Variants in XKR9 observed in about 807,000 individuals in gnomAD.
XKR9 encodes the protein XK-related protein 9.
Under a neutral mutation model 32.0 loss-of-function variants are expected in XKR9, and 32 were observed. The ratio of observed to expected loss-of-function variants is 1.00; its 90% CI spans 0.76 to 1.34. The LOEUF (loss-of-function observed/expected upper bound fraction) is 1.34. Among genes scored for constraint, XKR9 ranks in the 40% most tolerant of loss-of-function variants. XKR9 has a pLI of 0.00. For synonymous variants in XKR9, 168 were observed against 143.4 expected (o/e 1.17, Z -1.22); for missense variants, 546 against 429.7 (o/e 1.27, Z -2.39).
At chr8:70,952,529 G>A in the XKR9 span, among the ~76,000 whole-genome samples, 5 of 152,118 alleles carry the variant, frequency 3.3e-5, no homozygotes, top group Non-Finnish European at 5.9e-5. Flanking sequence ...CTTGTGCAAG[G>A]TTTTCTTTAC....
the XKR9 span, among the ~76,000 whole-genome samples, chr8:71,042,775 A>C: frequency 3.6e-3 from 552 of 152,364 alleles, 2 homozygotes; most frequent in Non-Finnish European, 6.6e-3. Flanking sequence ...TCAGGGATCA[A>C]GTCCAAAGTC....
At chr8:70,942,790 T>A in the XKR9 span, among the ~76,000 whole-genome samples, 1 of 152,150 alleles carries the variant, frequency 6.6e-6, no homozygotes, top group East Asian at 1.9e-4. Context: ...CAGAGCATAC[T>A]GCCCGGCACA....
At chr8:71,041,463 G>A in the XKR9 span, among the ~76,000 whole-genome samples, 1 of 152,170 alleles carries the variant, frequency 6.6e-6, no homozygotes, top group Non-Finnish European at 1.5e-5. Context: ...AATATCATAA[G>A]CATATTCAAA....
At chr8:70,671,813 G>A (rs1265793529) in intron 1 of XKR9, among the ~76,000 whole-genome samples, 1 of 112,982 alleles carries the variant, frequency 8.9e-6, no homozygotes, top group African/African-American at 2.9e-5. Flanking sequence ...TGTTTATCTA[G>A]AAAACCCCAT....
rs373034048 is a variant in XKR9 at position 70,734,432 on chromosome 8, A to G, written c.*8A>G. 3 of 1,518,232 alleles carry G rather than the reference A, an allele frequency of 2.0e-6. No individual in the cohort carries two copies. The highest frequency in any genetic ancestry group is 2.8e-5 in the African/African-American group (2 of 71,650). The allele number at this position is 1,518,232 out of a possible 1,614,324, so 94.0% of individuals were successfully genotyped here. A position where few individuals can be genotyped will look rare whatever the true frequency, so the allele number is the denominator to read the frequency against. ...TATTTCCTAATGGAATAAGCTATTC[A>G]TTTATGATATATATTTTCTTATATT... On this transcript the variant is annotated 3_prime_UTR_variant, in exon 5 of 5. Transcript: ENST00000408926.
chr8:70,855,065 A>C, the XKR9 span, among the ~76,000 whole-genome samples: 1 of 152,144 alleles, frequency 6.6e-6, no homozygotes, highest in Non-Finnish European at 1.5e-5. Flanking sequence ...GAAGAAAGTC[A>C]TTGGTAGCTT....
At chr8:70,757,812 C>T (rs183603642) in intron 2 of XKR9, among the ~76,000 whole-genome samples, 2,484 of 152,244 alleles carry the variant, frequency 0.016, 27 homozygotes, top group Non-Finnish European at 0.028. Flanking sequence ...GTCTCGAACT[C>T]CTTACCTCAG....
chr8:70,825,411 A>G, the XKR9 span, among the ~76,000 whole-genome samples: 2 of 152,122 alleles, frequency 1.3e-5, no homozygotes, highest in African/African-American at 2.4e-5. Flanking sequence ...TAGATATTAT[A>G]CAATATTTTG....
At chr8:70,980,429 T>C in the XKR9 span, among the ~76,000 whole-genome samples, 1 of 152,250 alleles carries the variant, frequency 6.6e-6, no homozygotes, top group Non-Finnish European at 1.5e-5. Flanking sequence ...AAAGTTTGTT[T>C]TGTCTGATAT....
chr8:70,679,020 C>T (rs1818976483), intron 2 of XKR9, among the ~76,000 whole-genome samples: 1 of 152,144 alleles, frequency 6.6e-6, no homozygotes, highest in Non-Finnish European at 1.5e-5. Context: ...CACTGGAAGT[C>T]CAAGATCATT....
At chr8:70,818,735 G>A in the XKR9 span, among the ~76,000 whole-genome samples, 158 of 152,210 alleles carry the variant, frequency 1.0e-3, 1 homozygote, top group Middle Eastern at 6.8e-3. Flanking sequence ...TATAACTAGG[G>A]GTTGAGTAGT....
At chr8:70,800,355 A>G in the XKR9 span, among the ~76,000 whole-genome samples, 2 of 152,080 alleles carry the variant, frequency 1.3e-5, no homozygotes, top group Admixed American at 6.5e-5. Flanking sequence ...CAGGTTTGGT[A>G]TCAGGATGAT....
intron 4 of XKR9, among the ~76,000 whole-genome samples, chr8:70,720,156 T>A (rs1209919261): frequency 6.6e-6 from 1 of 152,214 alleles, no homozygotes; most frequent in Non-Finnish European, 1.5e-5. Flanking sequence ...TTTTGTATCC[T>A]GAGACTTTGC....
the XKR9 span, among the ~76,000 whole-genome samples, chr8:70,800,326 T>G: frequency 6.6e-6 from 1 of 152,180 alleles, no homozygotes; most frequent in African/African-American, 2.4e-5. Flanking sequence ...AGTTTTCTTT[T>G]TTTTTGTTTT....
chr8:71,007,985 C>T, the XKR9 span, among the ~76,000 whole-genome samples: 3 of 151,122 alleles, frequency 2.0e-5, no homozygotes, highest in Admixed American at 6.6e-5. Flanking sequence ...GTAAGAAAGA[C>T]AAATAAAGCA....
the XKR9 span, among the ~76,000 whole-genome samples, chr8:70,914,956 T>C: frequency 6.6e-6 from 1 of 152,178 alleles, no homozygotes; most frequent in East Asian, 1.9e-4. Flanking sequence ...ACTGGAGTTA[T>C]TATTCAAAAC....
At chr8:70,808,432 A>T in the XKR9 span, among the ~76,000 whole-genome samples, 1 of 152,046 alleles carries the variant, frequency 6.6e-6, no homozygotes, top group Non-Finnish European at 1.5e-5. Context: ...CTCACTGGGG[A>T]TTGTTGGACA....
the XKR9 span, among the ~76,000 whole-genome samples, chr8:70,955,565 T>C: frequency 6.6e-6 from 1 of 152,202 alleles, no homozygotes; most frequent in Admixed American, 6.5e-5. Flanking sequence ...TATTCTTCCA[T>C]AATCTACCCT....
intron 4 of XKR9, among the ~76,000 whole-genome samples, chr8:70,729,329 G>A (rs1235934981): frequency 6.6e-6 from 1 of 152,094 alleles, no homozygotes; most frequent in Non-Finnish European, 1.5e-5. Flanking sequence ...TATCTCAAAA[G>A]AAAAGTTTTC....
Sources: gnomAD v4.1 joint callset for allele counts (sites outside exome capture counted in the v4.1 genomes callset) on GRCh38, gnomAD v4.1.1 for gene constraint, MANE v1.5 for transcripts, NCBI Gene and HGNC (gene_info 2026-07-23, HGNC 2026-07-21) for gene names.